IL23R: variants seen among roughly 807,000 people sequenced by gnomAD.
IL23R encodes interleukin 23 receptor.
A neutral mutation model predicts 56.9 loss-of-function variants in IL23R; 34 were observed. The observed-to-expected ratio is 0.60, with a 90% CI of 0.45 to 0.80. The LOEUF (loss-of-function observed/expected upper bound fraction) is 0.80. IL23R is among the 30% of genes least tolerant of loss of function. The pLI is 0.00. For synonymous variants in IL23R, 230 were observed against 249.2 expected (o/e 0.92, Z 0.73); for missense variants, 635 against 730.0 (o/e 0.87, Z 1.50).
upstream of IL23R, among the ~76,000 whole-genome samples, chr1:67,164,435 C>A (rs1175202667): frequency 2.0e-5 from 3 of 152,132 alleles, no homozygotes; most frequent in East Asian, 5.8e-4. Flanking sequence ...GAGTTCAAGA[C>A]TAGCCTGACC....
chr1:67,209,036 T>A (rs1649271111), intron 6 of IL23R, among the ~76,000 whole-genome samples: 1 of 152,150 alleles, frequency 6.6e-6, no homozygotes, highest in African/African-American at 2.4e-5. Context: ...ATTTGGGAGC[T>A]TTAAAGTTGC....
In IL23R at chr1:67,246,020, C is replaced by A. The variant is rs566672028; in HGVS notation, c.1148+5739C>A. ...TTTGGTCTATTCAGGGATTTCACTT[C>A]TTCCTGGTTTAGTGTTGGGAAGGTG... On this transcript the variant is annotated intron_variant, in intron 9 of 10. Transcript: ENST00000347310. 5.3e-5 allele frequency among the ~76,000 whole-genome samples: 8 copies of A among 152,270 alleles called. No individual in the cohort carries two copies. In the South Asian group the frequency reaches 1.7e-3, roughly 32 times the overall value.
chr1:67,209,235 G>A (rs559505402), intron 6 of IL23R, among the ~76,000 whole-genome samples: 1 of 152,282 alleles, frequency 6.6e-6, no homozygotes, highest in Admixed American at 6.5e-5. Context: ...TTTGGACTGT[G>A]GACTTTTGGG....
intron 4 of IL23R, among the ~76,000 whole-genome samples, chr1:67,196,564 T>C (rs918469575): frequency 3.3e-5 from 5 of 152,014 alleles, no homozygotes; most frequent in Non-Finnish European, 1.5e-5. Flanking sequence ...AAAATAAGAA[T>C]GTAGGCTACT....
At chr1:67,180,205 G>A (rs34016271) in intron 3 of IL23R, among the ~76,000 whole-genome samples, 5 of 152,116 alleles carry the variant, frequency 3.3e-5, no homozygotes, top group African/African-American at 1.2e-4. Context: ...TCTGTCTAAT[G>A]TTGACAGTGG....
intron 4 of IL23R, among the ~76,000 whole-genome samples, chr1:67,188,117 T>C (rs977195542): frequency 1.3e-5 from 2 of 152,198 alleles, no homozygotes; most frequent in African/African-American, 2.4e-5. Context: ...GACATGGACT[T>C]ATTTATATCA....
At chr1:67,175,492 ATCCACTTCCCTC>A (rs1475693770) in intron 3 of IL23R, among the ~76,000 whole-genome samples, 4 of 152,136 alleles carry the variant, frequency 2.6e-5, no homozygotes, top group Non-Finnish European at 5.9e-5. Flanking sequence ...TTAAACAAAT[ATCCACTTCCCTC>A]TCCTCCAAGC....
intron 1 of IL23R, among the ~76,000 whole-genome samples, chr1:67,154,058 GC>G (rs1169714644): frequency 6.6e-6 from 1 of 152,150 alleles, no homozygotes; most frequent in Non-Finnish European, 1.5e-5. Context: ...GTGAGCCACT[GC>G]GCCCGGCCTT....
chr1:67,195,498 C>T (rs1648078173), intron 4 of IL23R, among the ~76,000 whole-genome samples: 6 of 152,152 alleles, frequency 3.9e-5, no homozygotes, highest in Admixed American at 2.0e-4. Context: ...AAGTAACTTG[C>T]TCCAAGTCTT....
At chr1:67,246,858 G>T (rs1280911178) in intron 9 of IL23R, among the ~76,000 whole-genome samples, 1 of 152,108 alleles carries the variant, frequency 6.6e-6, no homozygotes, top group Non-Finnish European at 1.5e-5. Context: ...TTCAAGTCCT[G>T]GATATCCTTG....
At chr1:67,210,772 C>T (rs1200424826) in intron 6 of IL23R, among the ~76,000 whole-genome samples, 1 of 152,108 alleles carries the variant, frequency 6.6e-6, no homozygotes, top group African/African-American at 2.4e-5. Flanking sequence ...AGCACCTGGC[C>T]TGGCTTTTCT....
intron 7 of IL23R, among the ~76,000 whole-genome samples, chr1:67,227,973 T>C (rs529922658): frequency 7.2e-5 from 6 of 83,054 alleles, no homozygotes; most frequent in African/African-American, 3.0e-4. Flanking sequence ...TTTCTTTCTT[T>C]CTTTCTTTCT....
At chr1:67,253,534 A>G (rs551576127) in intron 9 of IL23R, among the ~76,000 whole-genome samples, 1 of 152,218 alleles carries the variant, frequency 6.6e-6, no homozygotes, top group Non-Finnish European at 1.5e-5. Context: ...GTGCAGTAGA[A>G]AGATTTTAAA....
At chr1:67,207,342 A>T (rs534896063) in intron 6 of IL23R, among the ~76,000 whole-genome samples, 1 of 151,984 alleles carries the variant, frequency 6.6e-6, no homozygotes, top group Non-Finnish European at 1.5e-5. Flanking sequence ...TTGCTTTTCA[A>T]CCCTTGCCTT....
intron 1 of IL23R, among the ~76,000 whole-genome samples, chr1:67,140,336 A>G (rs1646625084): frequency 6.6e-6 from 1 of 152,254 alleles, no homozygotes; most frequent in South Asian, 2.1e-4. Flanking sequence ...GGAAATGTGT[A>G]TAAACAAAGA....
intron 9 of IL23R, among the ~76,000 whole-genome samples, chr1:67,253,024 G>A (rs185511750): frequency 1.3e-5 from 2 of 152,280 alleles, no homozygotes; most frequent in African/African-American, 2.4e-5. Flanking sequence ...TGCCTGTTAA[G>A]TTAGGTTACA....
intron 3 of IL23R, among the ~76,000 whole-genome samples, chr1:67,178,081 G>A (rs1647035659): frequency 6.6e-6 from 1 of 152,098 alleles, no homozygotes; most frequent in African/African-American, 2.4e-5. Context: ...TTTTGGCTTA[G>A]GATTGACTTG....
chr1:67,240,199 C>G lies in IL23R; in HGVS notation c.1066C>G (p.Leu356Val). Residue 356 changes from leucine to valine, a missense_variant, in exon 9 of 11, where the codon CTT (leucine) becomes GTT (valine). Physicochemically the swap from Leu to Val is conservative, Grantham distance 32. Transcript: ENST00000347310. The part of the protein sequence containing the change: ...LTSDNRGDIG[L>V]LLGMIVFAVM... ...ATTAGACAACAGAGGAGACATTGGACTTTTATTGGGAATGATCGTCTTTGC... is the reference window on the plus strand; with the variant it reads ...ATTAGACAACAGAGGAGACATTGGAGTTTTATTGGGAATGATCGTCTTTGC... 6.2e-7 allele frequency: 1 copy of G among 1,611,082 alleles called. No individual in the cohort carries two copies.
chr1:67,256,456 C>T (rs573464402), intron 10 of IL23R, among the ~76,000 whole-genome samples: 1 of 152,208 alleles, frequency 6.6e-6, no homozygotes, highest in East Asian at 1.9e-4. Context: ...AGGCCACACA[C>T]CAGGAAGCCC....
Sources: allele counts gnomAD v4.1 joint callset (sites outside exome capture counted in the v4.1 genomes callset), GRCh38; gene constraint gnomAD v4.1.1; transcripts MANE v1.5; gene names NCBI Gene and HGNC (gene_info 2026-07-23, HGNC 2026-07-21).